The following CACNA2D2 variants were observed in gnomAD, a reference collection of about 807,000 sequenced individuals.
The protein encoded by CACNA2D2 is calcium voltage-gated channel auxiliary subunit alpha2delta 2, also known as voltage-dependent calcium channel subunit alpha-2/delta-2.
Under a neutral mutation model 166.4 loss-of-function variants are expected in CACNA2D2, and 48 were observed. The observed-to-expected ratio is 0.29, with a 90% CI of 0.23 to 0.37. The LOEUF is 0.37. CACNA2D2 is among the 10% of genes least tolerant of loss of function. The pLI is 1.00. For synonymous variants in CACNA2D2, 561 were observed against 573.7 expected (o/e 0.98, Z 0.32); for missense variants, 1,122 against 1,433.0 (o/e 0.78, Z 3.50).
intron 4 of CACNA2D2, among the ~76,000 whole-genome samples, chr3:50,393,421 G>A (rs1040775300): frequency 6.6e-6 from 1 of 152,252 alleles, no homozygotes. Flanking sequence ...GCCTCCGTCT[G>A]ATGCTGGCCC....
Position 50,436,442 on chromosome 3 carries a change from T to C in CACNA2D2, c.289-2013A>G, listed in dbSNP as rs544627668. 1.1e-3 allele frequency among the ~76,000 whole-genome samples: 170 copies of C among 152,230 alleles called. 6 individuals carry two copies. The South Asian group carries it at 0.034, about 31-fold the overall frequency. On this transcript the variant is annotated intron_variant, in intron 2 of 37. Coordinates refer to ENST00000424201, the MANE Select transcript of CACNA2D2 (RefSeq NM_006030.4). ...CTCCTCTTGGGCTCCAGGGTGCCCCTTGCAGCCTGGCATGGTAACTGTGCT... is the reference window on the plus strand; with the variant it reads ...CTCCTCTTGGGCTCCAGGGTGCCCCCTGCAGCCTGGCATGGTAACTGTGCT...
chr3:50,486,065 C>T (rs1698266710), intron 1 of CACNA2D2, among the ~76,000 whole-genome samples: 1 of 152,004 alleles, frequency 6.6e-6, no homozygotes, highest in Non-Finnish European at 1.5e-5. Context: ...AACAGAAGTC[C>T]TGCCCGGGCC....
Position 50,468,380 on chromosome 3 carries a change from A to AGTGTGTGTGTGTGT in CACNA2D2, c.288+7724_288+7737dup, listed in dbSNP as rs3220659. Among the ~76,000 whole-genome samples the AGTGTGTGTGTGTGT allele has an allele frequency of 7.0e-3, 580 of 83,156 alleles. 39 individuals are homozygous for AGTGTGTGTGTGTGT. The highest frequency in any genetic ancestry group is 0.02 in the East Asian group (39 of 1,942). The allele number at this position is 83,156 out of a possible 152,430, so 54.6% of individuals were successfully genotyped here. On this transcript the variant is annotated intron_variant, in intron 2 of 37. Transcript: ENST00000424201. ...AGAGAACCAGCAAGTTCATCAGAAT[A>AGTGTGTGTGTGTGT]GTGTGTGTGTGTGTGTGTGTGTGTG...
intron 2 of CACNA2D2, among the ~76,000 whole-genome samples, chr3:50,444,446 C>T (rs577647282): frequency 3.0e-4 from 46 of 152,350 alleles, no homozygotes; most frequent in Middle Eastern, 3.4e-3. Flanking sequence ...TCTGCACAGC[C>T]CTGAGCTACC....
chr3:50,399,185 C>T (rs1399531092), intron 3 of CACNA2D2, among the ~76,000 whole-genome samples: 2 of 152,216 alleles, frequency 1.3e-5, no homozygotes, highest in Admixed American at 1.3e-4. Flanking sequence ...GTGCTCCACA[C>T]TTCTCCTTGG....
rs1705081666 is a variant in CACNA2D2, at chr3:50,378,077, G to A, written c.1410C>T (p.Gly470=). 1.9e-6 allele frequency: 3 copies of A among 1,613,596 alleles called. No homozygotes were observed. Among genetic ancestry groups the A allele is most frequent in the South Asian group, 1.1e-5 (1 of 91,090 alleles). ...INTQEYLDVL[G]RPMVLAGKEA... ...CCTTGCCTGCCAGCACCATGGGCCT[G>A]CCCAACACATCTAGATATTCCTGGG... The change falls in exon 15 of 38, where the codon GGC becomes GGT. Residue 470 remains glycine (G), a synonymous_variant. Transcript: ENST00000424201.
rs1705025232 is a variant in CACNA2D2, at chr3:50,376,872, C to G, written c.1626+595G>C. Among the ~76,000 whole-genome samples, 1 of 152,222 alleles carries G rather than the reference C, an allele frequency of 6.6e-6. No homozygotes were observed. The highest frequency in any genetic ancestry group is 1.5e-5 in the Non-Finnish European group (1 of 68,044). ...GGCGCTGGGCCAGCCACAATGCCAT[C>G]TTGCCCCTACCCTGGTTTATGATTG... On this transcript the variant is annotated intron_variant, in intron 17 of 37. Coordinates refer to ENST00000424201, the MANE Select transcript of CACNA2D2 (RefSeq NM_006030.4). This position sits in a 1 kb window ranked among gnomAD's most constrained non-coding sequence, Gnocchi z 4.3.
chr3:50,424,555 T>TC (rs1707717780), intron 3 of CACNA2D2, among the ~76,000 whole-genome samples: 3 of 152,140 alleles, frequency 2.0e-5, no homozygotes, highest in Admixed American at 6.5e-5. Context: ...TGGTCAAGTA[T>TC]CCCCATGGGC....
Position 50,363,069 on chromosome 3 carries a change from A to G in CACNA2D2, c.*1597T>C, listed in dbSNP as rs1467127478. 7.5e-6 allele frequency: 3 copies of G among 398,494 alleles called. No homozygotes were observed. The highest frequency in any genetic ancestry group is 1.3e-5 in the Non-Finnish European group (3 of 226,036). The allele number at this position is 398,494 out of a possible 1,614,324, so 24.7% of individuals were successfully genotyped here. A position where few individuals can be genotyped will look rare whatever the true frequency, so the allele number is the denominator to read the frequency against. ...AGACCCAGCTGGGGGTTAGACAGCTACCTGATGGGGATTGTTTTGTCTGTT... is the reference window on the plus strand; with the variant it reads ...AGACCCAGCTGGGGGTTAGACAGCTGCCTGATGGGGATTGTTTTGTCTGTT... On this transcript the variant is annotated 3_prime_UTR_variant, in exon 38 of 38. Coordinates refer to ENST00000424201, the MANE Select transcript of CACNA2D2 (RefSeq NM_006030.4).
intron 3 of CACNA2D2, among the ~76,000 whole-genome samples, chr3:50,408,866 C>T (rs1234995067): frequency 2.0e-5 from 3 of 152,260 alleles, no homozygotes; most frequent in Non-Finnish European, 2.9e-5. Flanking sequence ...GAGGGCAGGA[C>T]AGCAGTCGTG....
At chr3:50,468,390 T>A (rs1709917365) in intron 2 of CACNA2D2, among the ~76,000 whole-genome samples, 1 of 125,192 alleles carries the variant, frequency 8.0e-6, no homozygotes. Flanking sequence ...AGTGTGTGTG[T>A]GTGTGTGTGT....
At position 50,366,058 on chromosome 3, in the gene CACNA2D2, G is replaced by A. The variant is rs775528205; in HGVS notation, c.2815C>T (p.Pro939Ser). 1 of 1,613,716 alleles carries A rather than the reference G, an allele frequency of 6.2e-7. No individual in the cohort carries two copies. The highest frequency in any genetic ancestry group is 1.1e-5 in the South Asian group (1 of 91,074). The stretch of plus-strand genomic sequence containing the variant: ...GCACCCAGGTTGCCAGGGGGCTGAG[G>A]GGCACAGGCTGCCTGATAGTCATAG... ...ESYDYQAACAPQPPGNLGAAP... is the reference protein window; with the variant it reads ...ESYDYQAACASQPPGNLGAAP... The change falls in exon 32 of 38, where the codon CCT (proline) becomes TCT (serine). Residue 939 changes from proline (P) to serine (S), a missense_variant. Transcript: ENST00000424201. This position sits in a 1 kb window ranked among gnomAD's most constrained non-coding sequence, Gnocchi z 5.9.
At chr3:50,399,067 G>C (rs1317494308) in intron 3 of CACNA2D2, among the ~76,000 whole-genome samples, 2 of 152,206 alleles carry the variant, frequency 1.3e-5, no homozygotes, top group African/African-American at 4.8e-5. Context: ...CCTGGGATAG[G>C]AAGGCCCCCT....
intron 3 of CACNA2D2, among the ~76,000 whole-genome samples, chr3:50,425,369 C>T (rs761432186): frequency 1.7e-4 from 26 of 152,190 alleles, no homozygotes; most frequent in Non-Finnish European, 3.7e-4. Context: ...ATTCCACCTG[C>T]CTTCCAAGGC....
At chr3:50,441,279 AC>A (rs2106920066) in intron 2 of CACNA2D2, among the ~76,000 whole-genome samples, 1 of 151,242 alleles carries the variant, frequency 6.6e-6, no homozygotes, top group Non-Finnish European at 1.5e-5. Context: ...CCCCACCACC[AC>A]CCCCAGCAAC....
chr3:50,480,169 T>C (rs1429218369), intron 1 of CACNA2D2, among the ~76,000 whole-genome samples: 2 of 152,170 alleles, frequency 1.3e-5, no homozygotes, highest in Admixed American at 6.5e-5. Context: ...AGAAACAGAC[T>C]TGTCCTGACT....
At chr3:50,369,174 G>A (rs1462470011) in intron 23 of CACNA2D2, among the ~76,000 whole-genome samples, 1 of 152,176 alleles carries the variant, frequency 6.6e-6, no homozygotes, top group Non-Finnish European at 1.5e-5. Context: ...CACACCCAGG[G>A]TGACACCCAC....
chr3:50,387,653 T>C (rs1199932143), intron 4 of CACNA2D2, 41 bp from the exon 5 acceptor site: 1 of 1,537,382 alleles, frequency 6.5e-7, no homozygotes, highest in East Asian at 2.2e-5. Context: ...CTGCTCAGGG[T>C]CCCGAGACAG....
At chr3:50,444,296 G>A (rs1013288933) in intron 2 of CACNA2D2, among the ~76,000 whole-genome samples, 9 of 152,198 alleles carry the variant, frequency 5.9e-5, no homozygotes, top group African/African-American at 1.7e-4. Context: ...CTGAGGCGCC[G>A]GGAGGGTCAG....
Sources: gnomAD v4.1 joint callset for allele counts (sites outside exome capture counted in the v4.1 genomes callset) on GRCh38, gnomAD v4.1.1 for gene constraint, Gnocchi (gnomAD v3.1) non-coding constraint, MANE v1.5 for transcripts, NCBI Gene and HGNC (gene_info 2026-07-23, HGNC 2026-07-21) for gene names.